NUDT9: variants seen among roughly 807,000 people sequenced by gnomAD.
NUDT9 encodes the protein nudix hydrolase 9.
Under a neutral mutation model 41.0 loss-of-function variants are expected in NUDT9, and 31 were observed. The observed-to-expected ratio is 0.76, with a 90% CI of 0.57 to 1.02. The LOEUF is 1.02. NUDT9 is among the 50% of genes least tolerant of loss of function. The pLI is 0.00. For synonymous variants in NUDT9, 146 were observed against 147.6 expected (o/e 0.99, Z 0.08); for missense variants, 380 against 431.4 (o/e 0.88, Z 1.06).
intron 4 of NUDT9, among the ~76,000 whole-genome samples, chr4:87,446,139 A>G (rs1406928849): frequency 6.6e-6 from 1 of 152,078 alleles, no homozygotes; most frequent in Non-Finnish European, 1.5e-5. Context: ...GCTGAAGAGC[A>G]GTAGCTGTAT....
intron 4 of NUDT9, among the ~76,000 whole-genome samples, chr4:87,444,385 A>G (rs1722355175): frequency 6.6e-6 from 1 of 152,144 alleles, no homozygotes; most frequent in East Asian, 1.9e-4. Flanking sequence ...CCTGCCAAAA[A>G]GGATCTTTAC....
At chr4:87,431,490 G>A (rs755762674) in intron 1 of NUDT9, among the ~76,000 whole-genome samples, 7 of 152,064 alleles carry the variant, frequency 4.6e-5, no homozygotes, top group Non-Finnish European at 7.4e-5. Context: ...TTGAATCTGC[G>A]GATAACTTTG....
chr4:87,450,294 T>G (rs1722650177), intron 5 of NUDT9, among the ~76,000 whole-genome samples: 2 of 152,150 alleles, frequency 1.3e-5, no homozygotes, highest in Admixed American at 1.3e-4. Flanking sequence ...CAAGAATGTT[T>G]TTTTCTGTGT....
chr4:87,423,010 C>G lies in NUDT9; in HGVS notation c.105C>G (p.Phe35Leu), dbSNP rs1467361197. The G allele has an allele frequency of 6.2e-7, 1 of 1,611,934 alleles. No individual in the cohort carries two copies. Among genetic ancestry groups the G allele is most frequent in the South Asian group, 1.1e-5 (1 of 90,808 alleles). ...RSSRCRGIQA[F>L]RNSFSSSWFH... The stretch of plus-strand genomic sequence containing the variant: ...CGCGCTGCCGCGGCATCCAGGCGTT[C>G]AGGTATTCCACCCTCCTACTACCGG... The change falls in exon 1 of 8, where the codon TTC becomes TTG. Residue 35 changes from phenylalanine (F) to leucine (L), a missense_variant and splice_region_variant. Phe to Leu is a conservative substitution (Grantham distance 22). Coordinates refer to ENST00000302174, the MANE Select transcript of NUDT9 (RefSeq NM_024047.5).
chr4:87,437,466 G>C (rs890213486), intron 2 of NUDT9, among the ~76,000 whole-genome samples: 3 of 151,648 alleles, frequency 2.0e-5, no homozygotes, highest in African/African-American at 7.3e-5. Context: ...TCAGCCTCCC[G>C]AGTAGCTGGG....
rs1723068572 is a variant in NUDT9, at chr4:87,458,074, A to C, written c.*53A>C. The stretch of plus-strand genomic sequence containing the variant: ...CCACAGAGGAGCATATACTGAAAAG[A>C]AGGCAGTATCACAGAATTTATACTA... On this transcript the variant is annotated 3_prime_UTR_variant, in exon 8 of 8. Coordinates refer to ENST00000302174, the MANE Select transcript of NUDT9 (RefSeq NM_024047.5). 1 of 1,430,994 alleles carries C rather than the reference A, an allele frequency of 7.0e-7. No individual in the cohort carries two copies. 88.6% of individuals were successfully genotyped at this position (1,430,994 alleles called of 1,614,324 possible).
chr4:87,430,006 A>G (rs1721610128), intron 1 of NUDT9, among the ~76,000 whole-genome samples: 1 of 152,134 alleles, frequency 6.6e-6, no homozygotes, highest in African/African-American at 2.4e-5. Context: ...AGCAAAAGAG[A>G]GTGCAGAGGT....
Position 87,449,198 on chromosome 4 carries a change from T to C in NUDT9, c.587T>C (p.Ile196Thr), listed in dbSNP as rs1429521310. Residue 196 changes from isoleucine to threonine, a missense_variant, in exon 5 of 8, where the codon ATC (isoleucine) becomes ACC (threonine). Transcript: ENST00000302174. ...KIMHPVSGKH[I>T]LQFVAIKRKD... ...ATGCATCCTGTTTCTGGGAAGCATA[T>C]CTTACAATTTGTTGCAATAAAAAGG... 6.2e-7 allele frequency: 1 copy of C among 1,611,864 alleles called. No homozygotes were observed. The highest frequency in any genetic ancestry group is 8.5e-7 in the Non-Finnish European group (1 of 1,178,184).
At chr4:87,430,441 C>G (rs774652679) in intron 1 of NUDT9, among the ~76,000 whole-genome samples, 18 of 152,158 alleles carry the variant, frequency 1.2e-4, no homozygotes, top group Non-Finnish European at 2.2e-4. Flanking sequence ...CTGAAATGTG[C>G]TTATTTATTT....
At chr4:87,450,156 C>A (rs1722642694) in intron 5 of NUDT9, among the ~76,000 whole-genome samples, 1 of 151,916 alleles carries the variant, frequency 6.6e-6, no homozygotes, top group Non-Finnish European at 1.5e-5. Flanking sequence ...TGAGCCACCA[C>A]ACCTGGCCTG....
intron 7 of NUDT9, among the ~76,000 whole-genome samples, chr4:87,457,387 C>T (rs1489890053): frequency 6.6e-6 from 1 of 151,952 alleles, no homozygotes; most frequent in African/African-American, 2.4e-5. Context: ...CAGGCATGTG[C>T]CACCACTCCT....
At chr4:87,437,986 G>A (rs1422588461) in intron 2 of NUDT9, among the ~76,000 whole-genome samples, 3 of 152,036 alleles carry the variant, frequency 2.0e-5, no homozygotes, top group Non-Finnish European at 1.5e-5. Flanking sequence ...CCTTCTTGTA[G>A]CATGAGGTAG....
chr4:87,427,966 G>C (rs796683292), intron 1 of NUDT9, among the ~76,000 whole-genome samples: 45 of 152,250 alleles, frequency 3.0e-4, no homozygotes, highest in African/African-American at 1.1e-3. Flanking sequence ...TTTATTTTCA[G>C]AATATTCATT....
intron 4 of NUDT9, among the ~76,000 whole-genome samples, chr4:87,446,459 T>C (rs1365914518): frequency 6.6e-6 from 1 of 152,108 alleles, no homozygotes; most frequent in Non-Finnish European, 1.5e-5. Context: ...GGTCTTGATC[T>C]CTTGACTTCG....
At chr4:87,438,578 T>C (rs536837547) in intron 3 of NUDT9, among the ~76,000 whole-genome samples, 13 of 132,750 alleles carry the variant, frequency 9.8e-5, no homozygotes, top group African/African-American at 2.6e-4. Context: ...GCAATTTGTA[T>C]ACAGCTAGTA....
intron 6 of NUDT9, among the ~76,000 whole-genome samples, chr4:87,453,732 G>GATCA: frequency 6.6e-6 from 1 of 151,468 alleles, no homozygotes; most frequent in Non-Finnish European, 1.5e-5. Context: ...CTGGCCTGAG[G>GATCA]GTTTCATGAT....
intron 2 of NUDT9, among the ~76,000 whole-genome samples, chr4:87,436,926 G>A (rs1473044342): frequency 6.6e-6 from 1 of 152,122 alleles, no homozygotes; most frequent in African/African-American, 2.4e-5. Context: ...TAGTGGTGAG[G>A]AGAGTAGTTT....
chr4:87,425,509 C>T (rs1001695418), intron 1 of NUDT9, among the ~76,000 whole-genome samples: 1 of 149,656 alleles, frequency 6.7e-6, no homozygotes, highest in African/African-American at 2.5e-5. Context: ...ATTCTCCTGC[C>T]CCAGCCTCCC....
chr4:87,435,017 C>G lies in NUDT9; in HGVS notation c.144C>G (p.Thr48=), dbSNP rs745351789. ...CATCTTCTTGGTTTCATCTTAATAC[C>G]AACGTCATGTCTGGTTCTAATGGTT... ...SFSSSWFHLN[T]NVMSGSNGSK... is the part of the protein sequence containing the mutation. The change falls in exon 2 of 8, where the codon ACC becomes ACG. Residue 48 remains threonine (T), a synonymous_variant. Transcript: ENST00000302174. 6.2e-7 allele frequency: 1 copy of G among 1,613,550 alleles called. No individual in the cohort carries two copies. Among genetic ancestry groups the G allele is most frequent in the Non-Finnish European group, 8.5e-7 (1 of 1,179,674 alleles).
Sources: gnomAD v4.1 joint callset for allele counts (sites outside exome capture counted in the v4.1 genomes callset) on GRCh38, gnomAD v4.1.1 for gene constraint, MANE v1.5 for transcripts, NCBI Gene and HGNC (gene_info 2026-07-23, HGNC 2026-07-21) for gene names.